Variants in NOVA1 observed in about 807,000 individuals in gnomAD.
NOVA1 encodes RNA-binding protein Nova-1.
In NOVA1, 7 loss-of-function variants were observed where a neutral mutation model predicts 38.0. That is an observed-to-expected ratio of 0.18 (90% CI 0.10 to 0.35). NOVA1 has a LOEUF of 0.35. NOVA1 is among the 10% of genes least tolerant of loss of function. The pLI is 1.00. For missense variants in NOVA1, 460 were observed against 616.0 expected (o/e 0.75, Z 2.68); for synonymous variants, 270 against 232.5 (o/e 1.16, Z -1.47).
intron 2 of NOVA1, among the ~76,000 whole-genome samples, chr14:26,570,730 T>C (rs1892421861): frequency 6.6e-6 from 1 of 152,178 alleles, no homozygotes; most frequent in Non-Finnish European, 1.5e-5. Flanking sequence ...CTGAATTATC[T>C]TTTAATAGGT....
intron 2 of NOVA1, among the ~76,000 whole-genome samples, chr14:26,548,964 GA>G (rs1890996371): frequency 6.6e-6 from 1 of 151,856 alleles, no homozygotes; most frequent in African/African-American, 2.4e-5. Context: ...AAAGAAAAAA[GA>G]AAAAAACTAG....
intron 2 of NOVA1, among the ~76,000 whole-genome samples, chr14:26,564,455 G>C (rs769398181): frequency 1.3e-5 from 2 of 152,114 alleles, no homozygotes; most frequent in African/African-American, 4.8e-5. Flanking sequence ...TGGATACTAA[G>C]GGGCAGAAAC....
At chr14:26,481,919 T>C (rs1234449322) in intron 2 of NOVA1, among the ~76,000 whole-genome samples, 2 of 151,074 alleles carry the variant, frequency 1.3e-5, no homozygotes, top group African/African-American at 4.9e-5. Flanking sequence ...TCAGATTACA[T>C]TCTTGTTTTT....
intron 2 of NOVA1, among the ~76,000 whole-genome samples, chr14:26,550,567 A>C (rs1891097695): frequency 6.6e-6 from 1 of 152,142 alleles, no homozygotes; most frequent in African/African-American, 2.4e-5. Flanking sequence ...CACACAATTT[A>C]TCTTTGATGG....
At chr14:26,495,265 A>G (rs1400538836) in intron 2 of NOVA1, among the ~76,000 whole-genome samples, 2 of 152,048 alleles carry the variant, frequency 1.3e-5, no homozygotes, top group African/African-American at 4.8e-5. Context: ...CTATCACTTT[A>G]TGCTTCTTTA....
At position 26,470,751 on chromosome 14, in the gene NOVA1, A is replaced by C. The variant is rs555222273; in HGVS notation, c.519+1569T>G. 3.3e-5 allele frequency among the ~76,000 whole-genome samples: 5 copies of C among 152,202 alleles called. No individual in the cohort carries two copies. In the South Asian group the frequency reaches 1.0e-3, roughly 32 times the overall value. On this transcript the variant is annotated intron_variant, in intron 4 of 4. Transcript: ENST00000539517. ...TGAAAGAAAATACAAATTTAGCTTC[A>C]AAGGCAAAATTATTAAGGAGGTTTT...
intron 2 of NOVA1, among the ~76,000 whole-genome samples, chr14:26,591,129 A>G (rs1333893874): frequency 6.6e-6 from 1 of 151,708 alleles, no homozygotes; most frequent in East Asian, 1.9e-4. Context: ...AAGATTTCCT[A>G]TTGCTTAAAG....
chr14:26,594,264 A>T (rs2138824420), intron 2 of NOVA1: 1 of 152,122 alleles, frequency 6.6e-6, no homozygotes, highest in South Asian at 2.1e-4. Flanking sequence ...GATAGTTTCA[A>T]CCATTCTAAA....
At chr14:26,492,519 C>CA (rs1817124275) in intron 2 of NOVA1, among the ~76,000 whole-genome samples, 1 of 151,896 alleles carries the variant, frequency 6.6e-6, no homozygotes, top group South Asian at 2.1e-4. Flanking sequence ...ACCATTTTAA[C>CA]AAAAAATGTG....
chr14:26,587,058 AC>A, intron 2 of NOVA1, among the ~76,000 whole-genome samples: 1 of 151,012 alleles, frequency 6.6e-6, no homozygotes. Flanking sequence ...CAATTGCACC[AC>A]AAATTCAGAA....
Position 26,448,227 on chromosome 14 carries a change from C to A in NOVA1, c.1256G>T (p.Gly419Val). The A allele has an allele frequency of 1.2e-6, 2 of 1,614,254 alleles. No individual in the cohort carries two copies. The highest frequency in any genetic ancestry group is 1.7e-6 in the Non-Finnish European group (2 of 1,180,046). Residue 419 changes from glycine (G) to valine (V), a missense_variant, in exon 5 of 5, where the codon GGA becomes GTA. Coordinates refer to ENST00000539517, the MANE Select transcript of NOVA1 (RefSeq NM_002515.3). This position sits in a 1 kb window ranked among gnomAD's most constrained non-coding sequence, Gnocchi z 5.3. ...TGCTATTTCAACTACATCCTTGGAT[C>A]CATCTGTGGACTTTTCTGTTCCTAG... Reference protein sequence around the residue: ...AILGTEKSTDGSKDVVEIAVP... With the variant: ...AILGTEKSTDVSKDVVEIAVP...
At chr14:26,491,675 G>A (rs1241572948) in intron 2 of NOVA1, among the ~76,000 whole-genome samples, 1 of 152,128 alleles carries the variant, frequency 6.6e-6, no homozygotes, top group Non-Finnish European at 1.5e-5. Context: ...GGAAATCCAG[G>A]TGTCCCAACA....
intron 2 of NOVA1, among the ~76,000 whole-genome samples, chr14:26,589,226 T>A (rs1893702423): frequency 6.6e-6 from 1 of 151,716 alleles, no homozygotes; most frequent in South Asian, 2.1e-4. Context: ...GAATATATTG[T>A]CTATTTAAGG....
intron 2 of NOVA1, among the ~76,000 whole-genome samples, chr14:26,583,481 T>A (rs1030053648): frequency 1.3e-5 from 2 of 151,548 alleles, no homozygotes; most frequent in African/African-American, 4.8e-5. Flanking sequence ...GATTACACAG[T>A]GAATATTTTT....
intron 4 of NOVA1, chr14:26,470,259 A>T: frequency 8.0e-7 from 1 of 1,249,372 alleles, no homozygotes; most frequent in Non-Finnish European, 1.1e-6. Context: ...TCAGTATAGC[A>T]AAGCTAAATT....
At chr14:26,454,799 C>G (rs895981020) in intron 4 of NOVA1, among the ~76,000 whole-genome samples, 1 of 152,052 alleles carries the variant, frequency 6.6e-6, no homozygotes, top group Non-Finnish European at 1.5e-5. Context: ...GATTAATTTA[C>G]TTTTTACCAT....
intron 1 of NOVA1, chr14:26,596,806 T>C (rs1379567823): frequency 1.7e-6 from 2 of 1,154,764 alleles, no homozygotes. Context: ...TGCATACTAC[T>C]TGTGGCCCAA....
At chr14:26,456,115 C>CA (rs1353630379) in intron 4 of NOVA1, among the ~76,000 whole-genome samples, 4 of 151,638 alleles carry the variant, frequency 2.6e-5, no homozygotes, top group African/African-American at 7.3e-5. Context: ...TTTTGATTAG[C>CA]AAAAAATGTA....
chr14:26,543,752 A>G (rs565423969), intron 2 of NOVA1, among the ~76,000 whole-genome samples: 2 of 151,964 alleles, frequency 1.3e-5, no homozygotes, highest in Middle Eastern at 3.2e-3. Flanking sequence ...TTAAAATGAG[A>G]ATTTTCTTGT....
Sources: allele counts gnomAD v4.1 joint callset (sites outside exome capture counted in the v4.1 genomes callset), GRCh38; gene constraint gnomAD v4.1.1; non-coding constraint Gnocchi (gnomAD v3.1); transcripts MANE v1.5; gene names NCBI Gene and HGNC (gene_info 2026-07-23, HGNC 2026-07-21).